POLR3H: variants seen among roughly 807,000 people sequenced by gnomAD.
POLR3H encodes DNA-directed RNA polymerase III subunit RPC8.
A neutral mutation model predicts 25.5 loss-of-function variants in POLR3H; 17 were observed. That is an observed-to-expected ratio of 0.67 (90% CI 0.46 to 1.00). POLR3H has a LOEUF of 1.00. Among genes scored for constraint, POLR3H ranks in the 50% least tolerant of loss-of-function variants. The pLI, the probability that POLR3H is intolerant of heterozygous loss-of-function variation, is 0.00. For synonymous variants in POLR3H, 129 were observed against 103.0 expected (o/e 1.25, Z -1.53); for missense variants, 274 against 265.0 (o/e 1.03, Z -0.24).
chr22:41,543,840 CA>C, intron 1 of POLR3H, 150 bp downstream of exon 1: 1 of 715,244 alleles, frequency 1.4e-6, no homozygotes, highest in Non-Finnish European at 2.6e-6. Flanking sequence ...TGATCCCCTT[CA>C]ATATCTCCTT....
At position 41,527,633 on chromosome 22, in the gene POLR3H, C is replaced by A; in HGVS notation, c.*1650G>T. 1 of 810,566 alleles carries A rather than the reference C, an allele frequency of 1.2e-6. No homozygotes were observed. Among genetic ancestry groups the A allele is most frequent in the Non-Finnish European group, 1.9e-6 (1 of 528,580 alleles). 50.2% of individuals were successfully genotyped at this position (810,566 alleles called of 1,614,324 possible). ...AGGCCCTGCTTCCAGGCTTGTAGAT[C>A]TGAGCCGCTGAGATCTAGGACATGT... On this transcript the variant is annotated 3_prime_UTR_variant, in exon 6 of 6. Coordinates refer to ENST00000355209, the MANE Select transcript of POLR3H (RefSeq NM_001018050.4).
rs1408049746 is a variant in POLR3H, at chr22:41,529,265, C to T, written c.*18G>A. On this transcript the variant is annotated 3_prime_UTR_variant, in exon 6 of 6. Coordinates refer to ENST00000355209, the MANE Select transcript of POLR3H (RefSeq NM_001018050.4). Reference sequence around the variant, plus strand: ...CACCTTCCCGCAGGCTGGTAGGGTCCACTGTCCAGCCCCAGGGCTAGTTGC... The same window carrying T: ...CACCTTCCCGCAGGCTGGTAGGGTCTACTGTCCAGCCCCAGGGCTAGTTGC... The T allele has an allele frequency of 6.2e-7, 1 of 1,609,736 alleles. No individual in the cohort carries two copies. Among genetic ancestry groups the T allele is most frequent in the Non-Finnish European group, 8.5e-7 (1 of 1,177,302 alleles).
chr22:41,526,566 C>A lies in POLR3H; in HGVS notation c.*2717G>T. ...AACTGGGAAGGAGGCCGACCAAGCCCAAAGGGGACTGCTGTGGAAGGGAGG... is the reference window on the plus strand; with the variant it reads ...AACTGGGAAGGAGGCCGACCAAGCCAAAAGGGGACTGCTGTGGAAGGGAGG... On this transcript the variant is annotated 3_prime_UTR_variant, in exon 6 of 6. Transcript: ENST00000355209. 8.2e-7 allele frequency: 1 copy of A among 1,217,090 alleles called. No individual in the cohort carries two copies. The highest frequency in any genetic ancestry group is 1.1e-6 in the Non-Finnish European group (1 of 883,800). 75.4% of individuals were successfully genotyped at this position (1,217,090 alleles called of 1,614,324 possible). A position where few individuals can be genotyped will look rare whatever the true frequency, so the allele number is the denominator to read the frequency against.
chr22:41,529,411 C>T (rs1311871927), intron 5 of POLR3H, 75 bp from the exon 6 acceptor site: 20 of 1,277,466 alleles, frequency 1.6e-5, no homozygotes, highest in Non-Finnish European at 1.7e-5. Flanking sequence ...GTGAAGGGAG[C>T]CCAGCAGGCC....
At chr22:41,543,661 C>CA in intron 1 of POLR3H, 1 of 440,400 alleles carries the variant, frequency 2.3e-6, no homozygotes. Context: ...ACAACAACAA[C>CA]AACAAAAACA....
At chr22:41,537,943 T>G (rs574530771) in intron 2 of POLR3H, among the ~76,000 whole-genome samples, 7 of 149,374 alleles carry the variant, frequency 4.7e-5, no homozygotes, top group South Asian at 4.2e-4. Context: ...ATTACAGGTG[T>G]GTACACCACC....
In POLR3H at chr22:41,526,015, G is replaced by A. The variant is rs1028431427; in HGVS notation, c.*3268C>T. ...ACATTGACCTGTCCCAACTTTGGGC[G>A]GCCTCTGCCCCATAAGGGAGACTGA... On this transcript the variant is annotated 3_prime_UTR_variant, in exon 6 of 6. Coordinates refer to ENST00000355209, the MANE Select transcript of POLR3H (RefSeq NM_001018050.4). 1.6e-5 allele frequency: 7 copies of A among 432,048 alleles called. No homozygotes were observed. Among genetic ancestry groups the A allele is most frequent in the East Asian group, 3.6e-5 (1 of 27,530 alleles). 26.8% of individuals were successfully genotyped at this position (432,048 alleles called of 1,614,324 possible).
Position 41,529,225 on chromosome 22 carries a change from C to A in POLR3H, c.*58G>T, listed in dbSNP as rs936959247. On this transcript the variant is annotated 3_prime_UTR_variant, in exon 6 of 6. Transcript: ENST00000355209. ...CATCGGCCTCAGCTGCTGTTGTCTT[C>A]ACAGCCGGCCATACCACCTTCCCGC... The A allele has an allele frequency of 9.4e-6, 14 of 1,489,146 alleles. No individual in the cohort carries two copies. Among genetic ancestry groups the A allele is most frequent in the Non-Finnish European group, 1.2e-5 (13 of 1,078,498 alleles). 92.2% of individuals were successfully genotyped at this position (1,489,146 alleles called of 1,614,324 possible).
rs536589871 is a variant in POLR3H, at chr22:41,543,979, T to C, written c.111+12A>G. 11 of 1,596,108 alleles carry C rather than the reference T, an allele frequency of 6.9e-6. 1 individual carries two copies. In the Admixed American group the frequency reaches 1.8e-4, roughly 27 times the overall value. On this transcript the variant is annotated intron_variant, in intron 1 of 5. Transcript: ENST00000355209. ...CACGCCAAGGCCTGCCCGCGAGCCG[T>C]GGGCCCAGTACCTTGTTGGCCAACT... is the stretch of plus-strand genomic sequence containing the variant.
In POLR3H at chr22:41,527,721, C is replaced by G; in HGVS notation, c.*1562G>C. ...AAGGCCTCGCAGACCTCAGCACCAG[C>G]GCACACTTGCTAGGGGCACCCCTAG... On this transcript the variant is annotated 3_prime_UTR_variant, in exon 6 of 6. Transcript: ENST00000355209. 1.0e-6 allele frequency: 1 copy of G among 1,002,538 alleles called. No individual in the cohort carries two copies. The highest frequency in any genetic ancestry group is 1.4e-6 in the Non-Finnish European group (1 of 693,730). 62.1% of individuals were successfully genotyped at this position (1,002,538 alleles called of 1,614,324 possible).
Position 41,528,965 on chromosome 22 carries a change from T to C in POLR3H, c.*318A>G. The C allele has an allele frequency of 1.9e-6, 1 of 522,518 alleles. No individual in the cohort carries two copies. The highest frequency in any genetic ancestry group is 2.7e-5 in the South Asian group (1 of 37,444). 32.4% of individuals were successfully genotyped at this position (522,518 alleles called of 1,614,324 possible). A position where few individuals can be genotyped will look rare whatever the true frequency, so the allele number is the denominator to read the frequency against. ...TTTGTTCTTGCAAGGAAAACAAGAA[T>C]CCAAAACCAGTGACTGTTCTGTGAG... On this transcript the variant is annotated 3_prime_UTR_variant, in exon 6 of 6. Coordinates refer to ENST00000355209, the MANE Select transcript of POLR3H (RefSeq NM_001018050.4).
At chr22:41,532,197 C>T (rs1266992887) in intron 3 of POLR3H, 40 bp from the exon 4 acceptor site, 1 of 1,593,094 alleles carries the variant, frequency 6.3e-7, no homozygotes, top group South Asian at 1.1e-5. Flanking sequence ...AGATGGGGGT[C>T]CCAGTGGACG....
chr22:41,526,147 C>A lies in POLR3H; in HGVS notation c.*3136G>T. 3.4e-6 allele frequency: 3 copies of A among 876,736 alleles called. No homozygotes were observed. The highest frequency in any genetic ancestry group is 5.3e-6 in the Non-Finnish European group (3 of 564,148). The allele number at this position is 876,736 out of a possible 1,614,324, so 54.3% of individuals were successfully genotyped here. On this transcript the variant is annotated 3_prime_UTR_variant, in exon 6 of 6. Transcript: ENST00000355209. ...CGTGTCTGAAGACTTGCCTGCCTCT[C>A]ACCCCTCTGTCACCCCTCCTGGGCC...
intron 1 of POLR3H, chr22:41,543,738 G>T (rs878980103): frequency 1.5e-6 from 1 of 650,274 alleles, no homozygotes; most frequent in South Asian, 1.5e-5. Flanking sequence ...GCCCAGAAGG[G>T]GTCAGTAACT....
intron 2 of POLR3H, among the ~76,000 whole-genome samples, chr22:41,534,597 C>T (rs1046930824): frequency 1.3e-5 from 2 of 152,036 alleles, no homozygotes; most frequent in Non-Finnish European, 2.9e-5. Context: ...GTGATAAAAA[C>T]GCTGTGGAAT....
At chr22:41,530,510 G>A (rs1569029872) in intron 5 of POLR3H, among the ~76,000 whole-genome samples, 177 bp downstream of exon 5, 1 of 152,172 alleles carries the variant, frequency 6.6e-6, no homozygotes, top group East Asian at 1.9e-4. Flanking sequence ...CTGCCTCACA[G>A]CCCTGGCCTA....
chr22:41,541,642 C>T lies in POLR3H; in HGVS notation c.112-847G>A, dbSNP rs1036849076. On this transcript the variant is annotated intron_variant, in intron 1 of 5. Transcript: ENST00000355209. ...ATTTCTGTGTGGGCCCCCTCTCAAA[C>T]GATTCATCTAATCAAATACTAGAAG... is the stretch of plus-strand genomic sequence containing the variant. Among the ~76,000 whole-genome samples, 6 of 152,210 alleles carry T rather than the reference C, an allele frequency of 3.9e-5. No individual in the cohort carries two copies. The South Asian group carries it at 6.2e-4, about 16-fold the overall frequency.
In POLR3H at chr22:41,526,041, G is replaced by A. The variant is rs2066587450; in HGVS notation, c.*3242C>T. ...GCCTCTGCCCCATAAGGGAGACTGA[G>A]CAGCCAGAGGCCTTTGAGGGGATGA... On this transcript the variant is annotated 3_prime_UTR_variant, in exon 6 of 6. Transcript: ENST00000355209. 1 of 498,612 alleles carries A rather than the reference G, an allele frequency of 2.0e-6. No homozygotes were observed. The highest frequency in any genetic ancestry group is 3.6e-6 in the Non-Finnish European group (1 of 279,346). The allele number at this position is 498,612 out of a possible 1,614,324, so 30.9% of individuals were successfully genotyped here.
At chr22:41,537,504 A>G (rs909890258) in intron 2 of POLR3H, among the ~76,000 whole-genome samples, 2 of 152,192 alleles carry the variant, frequency 1.3e-5, no homozygotes, top group African/African-American at 4.8e-5. Context: ...CATCAGCCTC[A>G]AAGCATGGCA....
Sources: allele counts gnomAD v4.1 joint callset (sites outside exome capture counted in the v4.1 genomes callset), GRCh38; gene constraint gnomAD v4.1.1; transcripts MANE v1.5; gene names NCBI Gene and HGNC (gene_info 2026-07-23, HGNC 2026-07-21).